FOCAD: variants seen among roughly 807,000 people sequenced by gnomAD.
FOCAD encodes the protein focadhesin.
A neutral mutation model predicts 225.6 loss-of-function variants in FOCAD; 198 were observed. The ratio of observed to expected loss-of-function variants is 0.88; its 90% confidence interval spans 0.78 to 0.99. The LOEUF (loss-of-function observed/expected upper bound fraction) is 0.99, where lower values mean the gene tolerates loss of function less well. Ranked by LOEUF, FOCAD falls within the 50% of genes least tolerant of loss-of-function variation. FOCAD has a pLI of 0.00. For synonymous variants in FOCAD, 897 were observed against 755.0 expected (o/e 1.19, Z -3.08); for missense variants, 2,713 against 2,123.6 (o/e 1.28, Z -5.46).
intron 15 of FOCAD, among the ~76,000 whole-genome samples, chr9:20,832,763 C>G (rs1016405457): frequency 1.3e-5 from 2 of 151,980 alleles, no homozygotes. Flanking sequence ...TAGTTTCATC[C>G]ATGGTGTGGC....
chr9:20,752,231 C>T (rs1338285414), intron 5 of FOCAD, among the ~76,000 whole-genome samples: 1 of 151,800 alleles, frequency 6.6e-6, no homozygotes, highest in Non-Finnish European at 1.5e-5. Flanking sequence ...GAAGTCCTTG[C>T]CCATGCCTAT....
intron 19 of FOCAD, among the ~76,000 whole-genome samples, chr9:20,877,529 C>G (rs1322076600): frequency 6.6e-5 from 10 of 152,132 alleles, no homozygotes; most frequent in Non-Finnish European, 1.0e-4. Flanking sequence ...CAGCCACAAT[C>G]TAACAATTAT....
chr9:20,878,138 C>T (rs1830381810), intron 19 of FOCAD, among the ~76,000 whole-genome samples: 1 of 151,582 alleles, frequency 6.6e-6, no homozygotes, highest in Admixed American at 6.6e-5. Context: ...AAAAAAAATG[C>T]ATAAAACCAA....
At chr9:20,926,483 A>T in intron 26 of FOCAD, 66 bp downstream of exon 26, 1 of 1,059,842 alleles carries the variant, frequency 9.4e-7, no homozygotes, top group Non-Finnish European at 1.5e-6. Context: ...TCAGTTGGTC[A>T]CATGAAATCG....
intron 5 of FOCAD, among the ~76,000 whole-genome samples, chr9:20,747,022 G>T (rs1828095170): frequency 6.6e-6 from 1 of 152,190 alleles, no homozygotes; most frequent in Admixed American, 6.6e-5. Context: ...AGTCGAGGTA[G>T]TGTGTGGTTT....
At chr9:20,815,957 A>T (rs1276392068) in intron 11 of FOCAD, among the ~76,000 whole-genome samples, 1 of 152,158 alleles carries the variant, frequency 6.6e-6, no homozygotes, top group Non-Finnish European at 1.5e-5. Context: ...TTCCTAGTGA[A>T]ACAGTCCCTG....
intron 1 of FOCAD, among the ~76,000 whole-genome samples, chr9:20,710,573 G>A (rs1246355935): frequency 1.3e-5 from 2 of 151,246 alleles, no homozygotes; most frequent in Admixed American, 6.6e-5. Context: ...TCTAGCCTGG[G>A]CAACAAAAGC....
intron 5 of FOCAD, among the ~76,000 whole-genome samples, chr9:20,754,365 A>G (rs532860854): frequency 5.9e-5 from 9 of 152,204 alleles, no homozygotes; most frequent in South Asian, 4.1e-4. Flanking sequence ...CTTTTATTCT[A>G]TGTTTTCCAA....
intron 5 of FOCAD, 149 bp downstream of exon 5, chr9:20,740,489 C>A: frequency 2.0e-6 from 1 of 487,968 alleles, no homozygotes; most frequent in South Asian, 4.0e-5. Flanking sequence ...AGGAAGTTAG[C>A]GTTTCAAAGA....
At chr9:20,943,758 G>C (rs1327750607) in intron 28 of FOCAD, among the ~76,000 whole-genome samples, 1 of 152,208 alleles carries the variant, frequency 6.6e-6, no homozygotes, top group African/African-American at 2.4e-5. Flanking sequence ...AGGCAAGCCA[G>C]AGTAAGGGTG....
chr9:20,749,668 G>T (rs1010952035), intron 5 of FOCAD, among the ~76,000 whole-genome samples: 3 of 152,186 alleles, frequency 2.0e-5, no homozygotes, highest in Non-Finnish European at 4.4e-5. Context: ...CTGCATACAT[G>T]AAAATGCATG....
intron 4 of FOCAD, among the ~76,000 whole-genome samples, chr9:20,738,191 T>A (rs543752120): frequency 2.0e-5 from 3 of 152,310 alleles, no homozygotes; most frequent in East Asian, 3.9e-4. Flanking sequence ...AATAGAGAAG[T>A]TTCTCAGAAG....
At chr9:20,693,578 A>T (rs1823109031) in intron 1 of FOCAD, among the ~76,000 whole-genome samples, 1 of 152,220 alleles carries the variant, frequency 6.6e-6, no homozygotes, top group Non-Finnish European at 1.5e-5. Flanking sequence ...AATATTTCTT[A>T]AATGGAGGAA....
chr9:20,710,584 G>C (rs974161636), intron 1 of FOCAD, among the ~76,000 whole-genome samples: 1 of 150,302 alleles, frequency 6.7e-6, no homozygotes, highest in Admixed American at 6.6e-5. Context: ...CAACAAAAGC[G>C]TAACTCTGTC....
intron 7 of FOCAD, among the ~76,000 whole-genome samples, chr9:20,768,658 T>G (rs1482937529): frequency 1.3e-5 from 2 of 152,162 alleles, no homozygotes; most frequent in African/African-American, 4.8e-5. Context: ...CAGAATCACA[T>G]TTAAATTTTA....
At chr9:20,718,088 A>T (rs1825482935) in intron 3 of FOCAD, among the ~76,000 whole-genome samples, 1 of 152,222 alleles carries the variant, frequency 6.6e-6, no homozygotes, top group Non-Finnish European at 1.5e-5. Flanking sequence ...TGAGACATGG[A>T]GGGAAGGGCT....
chr9:20,687,397 G>T (rs935072753), intron 1 of FOCAD, among the ~76,000 whole-genome samples: 2 of 152,222 alleles, frequency 1.3e-5, no homozygotes, highest in South Asian at 2.1e-4. Flanking sequence ...TACAGTAATT[G>T]TGGGTGTTGT....
chr9:20,672,917 T>A (rs978542124), intron 2 of FOCAD, among the ~76,000 whole-genome samples: 1 of 152,252 alleles, frequency 6.6e-6, no homozygotes, highest in Non-Finnish European at 1.5e-5. Flanking sequence ...TTAAATAAAC[T>A]AATAGTTTCT....
intron 4 of FOCAD, among the ~76,000 whole-genome samples, chr9:20,721,738 G>A (rs900106470): frequency 6.6e-6 from 1 of 151,972 alleles, no homozygotes; most frequent in Non-Finnish European, 1.5e-5. Flanking sequence ...AGATTCCTGG[G>A]CTTGAAGTTG....
Sources: gnomAD v4.1 joint callset for allele counts (sites outside exome capture counted in the v4.1 genomes callset) on GRCh38, gnomAD v4.1.1 for gene constraint, MANE v1.5 for transcripts, NCBI Gene and HGNC (gene_info 2026-07-23, HGNC 2026-07-21) for gene names.